Variants in KCNIP4 observed in about 807,000 individuals in gnomAD.
The protein encoded by KCNIP4 is potassium voltage-gated channel interacting protein 4.
In KCNIP4, 12 loss-of-function variants were observed where a neutral mutation model predicts 34.0. The ratio of observed to expected loss-of-function variants is 0.35; its 90% CI spans 0.23 to 0.57. The LOEUF is 0.57. Among genes scored for constraint, KCNIP4 ranks in the 20% least tolerant of loss-of-function variants. The pLI, the probability that KCNIP4 is intolerant of heterozygous loss-of-function variation, is 0.83. For synonymous variants in KCNIP4, 124 were observed against 102.2 expected, an observed-to-expected ratio of 1.21 and a Z score of -1.29; for missense variants, 238 against 311.7, an observed-to-expected ratio of 0.76 and a Z score of 1.78.
In KCNIP4 at chr4:21,507,874, C is replaced by A. The variant is rs569034914; in HGVS notation, c.61+440697G>T. ...AAGTTTGCTGGGCCCAGTTTATGTG[C>A]AAGACCATGAAGTTTTAAAATTTCA... is the stretch of plus-strand genomic sequence containing the variant. On this transcript the variant is annotated intron_variant, in intron 1 of 8. Coordinates refer to ENST00000382152, the MANE Select transcript of KCNIP4 (RefSeq NM_025221.6). Among the ~76,000 whole-genome samples, 149 of 152,254 alleles carry A rather than the reference C, an allele frequency of 9.8e-4. 2 individuals carry two copies. Among genetic ancestry groups the A allele is most frequent in the South Asian group, 4.6e-3 (22 of 4,822 alleles).
At chr4:20,986,431 T>C (rs541888201) in intron 1 of KCNIP4, among the ~76,000 whole-genome samples, 21 of 152,256 alleles carry the variant, frequency 1.4e-4, no homozygotes, top group Non-Finnish European at 2.6e-4. Context: ...AAAAAAATAT[T>C]TTAGGTAACC....
At chr4:21,311,519 T>C (rs1402344761) in intron 1 of KCNIP4, among the ~76,000 whole-genome samples, 15 of 152,000 alleles carry the variant, frequency 9.9e-5, no homozygotes, top group Admixed American at 8.5e-4. Flanking sequence ...TGAAACCCCA[T>C]CTCTACTAAA....
intron 1 of KCNIP4, among the ~76,000 whole-genome samples, chr4:21,582,847 C>G (rs774287354): frequency 3.9e-5 from 6 of 151,900 alleles, no homozygotes; most frequent in Non-Finnish European, 7.4e-5. Flanking sequence ...TAGCTAGTCA[C>G]TCAAGCATGA....
chr4:21,793,626 A>G (rs1341138278), intron 1 of KCNIP4, among the ~76,000 whole-genome samples: 2 of 152,224 alleles, frequency 1.3e-5, no homozygotes, highest in African/African-American at 4.8e-5. Context: ...AATTTAAGAG[A>G]CAGAGTTCAG....
At chr4:21,480,553 T>C (rs1198985480) in intron 1 of KCNIP4, among the ~76,000 whole-genome samples, 3 of 152,082 alleles carry the variant, frequency 2.0e-5, no homozygotes, top group Non-Finnish European at 4.4e-5. Context: ...AAAGCAAACA[T>C]AAAATTTAGA....
At chr4:21,612,292 A>C (rs1744216754) in intron 1 of KCNIP4, among the ~76,000 whole-genome samples, 1 of 152,252 alleles carries the variant, frequency 6.6e-6, no homozygotes, top group Admixed American at 6.5e-5. Flanking sequence ...AAGTGAAAAG[A>C]AACAAAGTTT....
intron 2 of KCNIP4, among the ~76,000 whole-genome samples, chr4:20,877,890 G>A (rs1724233090): frequency 1.3e-5 from 2 of 151,882 alleles, no homozygotes; most frequent in South Asian, 2.1e-4. Flanking sequence ...ACCTTTTCAG[G>A]CCACAGCTAC....
intron 1 of KCNIP4, among the ~76,000 whole-genome samples, chr4:21,936,647 G>A (rs564067566): frequency 6.6e-6 from 1 of 152,188 alleles, no homozygotes; most frequent in African/African-American, 2.4e-5. Context: ...AAACTACAGA[G>A]AGGCCATGTG....
At chr4:21,111,461 CCA>C (rs1560732116) in intron 1 of KCNIP4, among the ~76,000 whole-genome samples, 2 of 150,480 alleles carry the variant, frequency 1.3e-5, no homozygotes, top group African/African-American at 5.0e-5. Flanking sequence ...AATGTGGCAA[CCA>C]TCTCCAAGTA....
intron 1 of KCNIP4, among the ~76,000 whole-genome samples, chr4:21,579,335 G>A (rs1741021338): frequency 6.6e-6 from 1 of 152,132 alleles, no homozygotes; most frequent in African/African-American, 2.4e-5. Flanking sequence ...CTACTGTGGG[G>A]AAAAGTTGAT....
chr4:21,298,032 C>G (rs923899939), intron 1 of KCNIP4, among the ~76,000 whole-genome samples: 3 of 152,090 alleles, frequency 2.0e-5, no homozygotes, highest in Non-Finnish European at 4.4e-5. Flanking sequence ...TGATCTTAAG[C>G]AAGTTATTAT....
chr4:21,077,933 G>A (rs1403142792), intron 1 of KCNIP4, among the ~76,000 whole-genome samples: 1 of 152,068 alleles, frequency 6.6e-6, no homozygotes, highest in African/African-American at 2.4e-5. Flanking sequence ...CAAGACCTGG[G>A]TGCCAGAAAG....
chr4:21,753,244 G>A lies in KCNIP4; in HGVS notation c.61+195327C>T, dbSNP rs559292076. Among the ~76,000 whole-genome samples, 3 of 152,272 alleles carry A rather than the reference G, an allele frequency of 2.0e-5. No homozygotes were observed. The South Asian group carries it at 6.2e-4, about 32-fold the overall frequency. On this transcript the variant is annotated intron_variant, in intron 1 of 8. Coordinates refer to ENST00000382152, the MANE Select transcript of KCNIP4 (RefSeq NM_025221.6). ...ATCTGAGGTCTTAGAGAAAAAAAAT[G>A]TTCACTAAGTAAATCAGGAGCAAAT...
chr4:20,981,314 G>A (rs902056369), intron 1 of KCNIP4, among the ~76,000 whole-genome samples: 2 of 152,078 alleles, frequency 1.3e-5, no homozygotes, highest in African/African-American at 4.8e-5. Flanking sequence ...CCCATGCTTG[G>A]GTCCCATTCC....
At chr4:21,245,035 C>T (rs1048996034) in intron 1 of KCNIP4, among the ~76,000 whole-genome samples, 1 of 152,094 alleles carries the variant, frequency 6.6e-6, no homozygotes, top group Admixed American at 6.6e-5. Context: ...CTATCGTATA[C>T]GAGTAACAAC....
chr4:21,010,050 C>A (rs1738933673), intron 1 of KCNIP4, among the ~76,000 whole-genome samples: 1 of 152,180 alleles, frequency 6.6e-6, no homozygotes, highest in Non-Finnish European at 1.5e-5. Flanking sequence ...ATGACCTAAC[C>A]CAACCCTAAT....
intron 1 of KCNIP4, among the ~76,000 whole-genome samples, chr4:21,266,268 G>A (rs1315571557): frequency 1.3e-5 from 2 of 152,108 alleles, no homozygotes; most frequent in Non-Finnish European, 2.9e-5. Flanking sequence ...AGAGTAAAGA[G>A]GATGCTTTTC....
chr4:21,290,669 C>T (rs746678814), intron 1 of KCNIP4, among the ~76,000 whole-genome samples: 13 of 152,268 alleles, frequency 8.5e-5, no homozygotes, highest in Non-Finnish European at 1.8e-4. Flanking sequence ...GGCTCTTGCC[C>T]GAGCTGAGTG....
chr4:21,200,188 TAAA>T (rs1213841966), intron 1 of KCNIP4, among the ~76,000 whole-genome samples: 4 of 151,006 alleles, frequency 2.6e-5, no homozygotes, highest in African/African-American at 9.7e-5. Flanking sequence ...TTTAAAGTAT[TAAA>T]AAAAAGACAC....
Sources: gnomAD v4.1 joint callset for allele counts (sites outside exome capture counted in the v4.1 genomes callset) on GRCh38, gnomAD v4.1.1 for gene constraint, MANE v1.5 for transcripts, NCBI Gene and HGNC (gene_info 2026-07-23, HGNC 2026-07-21) for gene names.